The following BTD variants were observed in gnomAD, a reference collection of about 807,000 sequenced individuals.
BTD encodes the protein biotinidase.
Under a neutral mutation model 17.7 loss-of-function variants are expected in BTD, and 13 were observed. That is an observed-to-expected ratio of 0.74 (90% CI 0.48 to 1.17). The LOEUF is 1.17. Among genes scored for constraint, BTD ranks in the 50% most tolerant of loss-of-function variants. BTD has a pLI of 0.00. For synonymous variants in BTD, 240 were observed against 245.2 expected (o/e 0.98, Z 0.20); for missense variants, 674 against 650.4 (o/e 1.04, Z -0.39).
intron 3 of BTD, among the ~76,000 whole-genome samples, chr3:15,664,104 G>A (rs538489389): frequency 2.0e-5 from 3 of 152,196 alleles, no homozygotes; most frequent in Non-Finnish European, 4.4e-5. Context: ...GTTTTGCCAT[G>A]TTGGCCAGGC....
rs1476921148 is a variant in BTD, at chr3:15,652,067, G to A, written c.*6579G>A. ...CTGCAGACCGGGCACGGTGGCTTACGCCTGTAATCCCAGCACTTTGGGAGG... is the reference window on the plus strand; with the variant it reads ...CTGCAGACCGGGCACGGTGGCTTACACCTGTAATCCCAGCACTTTGGGAGG... On this transcript the variant is annotated 3_prime_UTR_variant, in exon 4 of 4. Transcript: ENST00000643237. Among the ~76,000 whole-genome samples, 2 of 152,206 alleles carry A rather than the reference G, an allele frequency of 1.3e-5. No homozygotes were observed. The highest frequency in any genetic ancestry group is 2.9e-5 in the Non-Finnish European group (2 of 68,038).
chr3:15,602,081 A>G, intron 1 of BTD, 187 bp downstream of exon 1: 1 of 1,440,108 alleles, frequency 6.9e-7, no homozygotes, highest in East Asian at 2.5e-5. Context: ...TGCGTTTTCT[A>G]GGCATTTACT....
chr3:15,711,047 T>C (rs1229665045), exon 4 of BTD, among the ~76,000 whole-genome samples: 2 of 152,228 alleles, frequency 1.3e-5, no homozygotes, highest in African/African-American at 2.4e-5. Context: ...TGGAATAAGA[T>C]GAAAAAAAGT....
intron 1 of BTD, among the ~76,000 whole-genome samples, chr3:15,629,613 G>A (rs1009635625): frequency 1.3e-5 from 2 of 152,050 alleles, no homozygotes; most frequent in Non-Finnish European, 2.9e-5. Flanking sequence ...AACCTCCGCC[G>A]CCCGAGTTCA....
chr3:15,619,387 C>T (rs2064883481), intron 1 of BTD, among the ~76,000 whole-genome samples: 1 of 152,174 alleles, frequency 6.6e-6, no homozygotes, highest in African/African-American at 2.4e-5. Flanking sequence ...GTGGTACAAA[C>T]ACAGCTCACT....
At chr3:15,711,630 GA>G (rs1015218003) in exon 4 of BTD, among the ~76,000 whole-genome samples, 2 of 151,960 alleles carry the variant, frequency 1.3e-5, no homozygotes, top group Non-Finnish European at 2.9e-5. Context: ...GCTGAGGGAA[GA>G]AAGAAATGGA....
In BTD at chr3:15,611,393, C is replaced by G. The variant is rs149428659; in HGVS notation, c.-17+9499C>G. 2.8e-4 allele frequency among the ~76,000 whole-genome samples: 42 copies of G among 152,300 alleles called. 4 individuals are homozygous for G. In the East Asian group the frequency reaches 7.9e-3, roughly 29 times the overall value. ...GAGGGATCCTGGGTCCTACATGACT[C>G]TTGCCTTTGTCAGGTTTTATTATCA... is the stretch of plus-strand genomic sequence containing the variant. On this transcript the variant is annotated intron_variant, in intron 1 of 3. Coordinates refer to ENST00000643237, the MANE Select transcript of BTD (RefSeq NM_001370658.1).
At chr3:15,685,350 C>T (rs2067988120) in intron 3 of BTD, 2 of 1,613,904 alleles carry the variant, frequency 1.2e-6, no homozygotes, top group Admixed American at 1.7e-5. Context: ...AGGCAGCAGA[C>T]AGGTGTATAG....
chr3:15,721,246 T>C (rs1351937212), intron 4 of BTD: 5 of 823,466 alleles, frequency 6.1e-6, no homozygotes, highest in African/African-American at 3.4e-5. Flanking sequence ...GGAGACAAGA[T>C]AAGTACAGAG....
chr3:15,604,423 A>C (rs1035320407), intron 1 of BTD, among the ~76,000 whole-genome samples: 6 of 152,266 alleles, frequency 3.9e-5, no homozygotes, highest in African/African-American at 1.2e-4. Flanking sequence ...TGCAAACAGC[A>C]GGGGGACCCT....
intron 3 of BTD, chr3:15,678,381 T>C: frequency 6.3e-7 from 1 of 1,578,124 alleles, no homozygotes; most frequent in East Asian, 2.3e-5. Context: ...TTGAAATATA[T>C]GACTAAATTT....
downstream of BTD, chr3:15,714,560 A>C (rs749441927): frequency 1.4e-5 from 22 of 1,558,952 alleles, no homozygotes; most frequent in South Asian, 2.5e-5. Flanking sequence ...CCAAAAAAAA[A>C]ACAGAAATAC....
chr3:15,685,124 A>G, intron 3 of BTD: 1 of 1,204,838 alleles, frequency 8.3e-7, no homozygotes, highest in East Asian at 2.3e-5. Flanking sequence ...ATTATTCCCA[A>G]GGTTTTTGCT....
intron 3 of BTD, among the ~76,000 whole-genome samples, chr3:15,702,830 C>A (rs751999669): frequency 6.6e-6 from 1 of 152,096 alleles, no homozygotes; most frequent in Non-Finnish European, 1.5e-5. Context: ...CCCACCACCC[C>A]ACCCCTGGCC....
In BTD at chr3:15,652,864, C is replaced by T. The variant is rs756022614; in HGVS notation, c.*7376C>T. Among the ~76,000 whole-genome samples, 34 of 152,180 alleles carry T rather than the reference C, an allele frequency of 2.2e-4. No individual in the cohort carries two copies. The highest frequency in any genetic ancestry group is 3.8e-4 in the Non-Finnish European group (26 of 68,030). ...GTTACACAAAGCCAGAAATCATCTACATCTACTCTCTTTTCTTCTGGTTTT... is the reference window on the plus strand; with the variant it reads ...GTTACACAAAGCCAGAAATCATCTATATCTACTCTCTTTTCTTCTGGTTTT... On this transcript the variant is annotated 3_prime_UTR_variant, in exon 4 of 4. Transcript: ENST00000643237.
chr3:15,676,834 G>A (rs942311748), intron 3 of BTD: 4 of 580,880 alleles, frequency 6.9e-6, no homozygotes, highest in Non-Finnish European at 1.2e-5. Flanking sequence ...TTAGAAATGA[G>A]TTTTGACAGT....
At chr3:15,700,480 A>G (rs968337677) in intron 3 of BTD, among the ~76,000 whole-genome samples, 1 of 152,138 alleles carries the variant, frequency 6.6e-6, no homozygotes, top group Non-Finnish European at 1.5e-5. Context: ...AATTAATTAA[A>G]AAACACTATA....
At chr3:15,674,602 G>A (rs2125628232) in intron 3 of BTD, among the ~76,000 whole-genome samples, 1 of 152,100 alleles carries the variant, frequency 6.6e-6, no homozygotes, top group East Asian at 1.9e-4. Context: ...TATAAATCTG[G>A]GAATCCTCAG....
chr3:15,638,167 A>T (rs1410093548), intron 2 of BTD, among the ~76,000 whole-genome samples: 1 of 152,226 alleles, frequency 6.6e-6, no homozygotes, highest in Non-Finnish European at 1.5e-5. Flanking sequence ...CCTTACATAA[A>T]TTAAAAGGAT....
Sources: gnomAD v4.1 joint callset for allele counts (sites outside exome capture counted in the v4.1 genomes callset) on GRCh38, gnomAD v4.1.1 for gene constraint, MANE v1.5 for transcripts, NCBI Gene and HGNC (gene_info 2026-07-23, HGNC 2026-07-21) for gene names.